The following SUSD4 variants were observed in gnomAD, a reference collection of about 807,000 sequenced individuals.
SUSD4 encodes the protein sushi domain-containing protein 4.
In SUSD4, 41 loss-of-function variants were observed where a neutral mutation model predicts 50.5. The observed-to-expected ratio is 0.81, with a 90% CI of 0.63 to 1.05. The LOEUF (loss-of-function observed/expected upper bound fraction) is 1.05. Ranked by LOEUF, SUSD4 falls within the 50% of genes least tolerant of loss-of-function variation. The pLI is 0.00. For synonymous variants in SUSD4, 257 were observed against 257.3 expected, an observed-to-expected ratio of 1.00 and a Z score of 0.01; for missense variants, 580 against 634.7, an observed-to-expected ratio of 0.91 and a Z score of 0.93.
At chr1:223,233,754 G>A (rs950766735) in intron 5 of SUSD4, among the ~76,000 whole-genome samples, 1 of 152,134 alleles carries the variant, frequency 6.6e-6, no homozygotes, top group Non-Finnish European at 1.5e-5. Context: ...CTCATATCCC[G>A]TCAGTTGCTA....
upstream of SUSD4, among the ~76,000 whole-genome samples, chr1:223,364,873 C>G (rs907992835): frequency 1.3e-5 from 2 of 152,144 alleles, no homozygotes; most frequent in African/African-American, 4.8e-5. This position sits in a 1 kb window ranked among gnomAD's most constrained non-coding sequence, Gnocchi z 4.5. Context: ...CGAAGCTCTG[C>G]GCGTCCCCAG....
chr1:223,311,410 G>A (rs1665867220), intron 2 of SUSD4, among the ~76,000 whole-genome samples: 1 of 152,216 alleles, frequency 6.6e-6, no homozygotes, highest in African/African-American at 2.4e-5. Flanking sequence ...GTGCTCTCCA[G>A]GCAGCCTGTG....
intron 3 of SUSD4, among the ~76,000 whole-genome samples, chr1:223,279,557 G>A (rs1056263252): frequency 1.3e-5 from 2 of 152,138 alleles, no homozygotes; most frequent in African/African-American, 4.8e-5. Flanking sequence ...TTAAAGAAAC[G>A]AACAAAGCCT....
At chr1:223,286,277 G>A (rs1030172492) in intron 3 of SUSD4, among the ~76,000 whole-genome samples, 4 of 152,280 alleles carry the variant, frequency 2.6e-5, no homozygotes, top group African/African-American at 9.6e-5. Context: ...CACCACGCCT[G>A]GCTAATTTTT....
intron 5 of SUSD4, among the ~76,000 whole-genome samples, chr1:223,256,496 G>A (rs939541371): frequency 7.9e-5 from 12 of 152,154 alleles, no homozygotes; most frequent in African/African-American, 1.9e-4. Context: ...CTTTCCTGCC[G>A]CTCTCCTCCT....
intron 5 of SUSD4, among the ~76,000 whole-genome samples, chr1:223,255,117 A>T (rs1403996511): frequency 6.6e-6 from 1 of 152,246 alleles, no homozygotes; most frequent in East Asian, 1.9e-4. Context: ...CCCAGGCCAT[A>T]GAATTCATTT....
Position 223,363,406 on chromosome 1 carries a change from G to C in SUSD4, c.20C>G (p.Pro7Arg), listed in dbSNP as rs757052563. 1 of 1,565,954 alleles carries C rather than the reference G, an allele frequency of 6.4e-7. No individual in the cohort carries two copies. The highest frequency in any genetic ancestry group is 8.7e-7 in the Non-Finnish European group (1 of 1,154,958). Residue 7 changes from proline (P) to arginine (R), a missense_variant, in exon 2 of 9, where the codon CCG (proline) becomes CGG (arginine). Pro to Arg is a moderately radical substitution (Grantham distance 103). Transcript: ENST00000366878. ...CTCTAGAAATCCATCTCCATTGCTCGGGTTCATTCCATGATACATCTTTCA... is the reference window on the plus strand; with the variant it reads ...CTCTAGAAATCCATCTCCATTGCTCCGGTTCATTCCATGATACATCTTTCA... Reference protein sequence around the residue: MYHGMNPSNGDGFLEQQ... With the variant: MYHGMNRSNGDGFLEQQ...
chr1:223,268,011 TTTTATATA>T (rs1218964285), intron 4 of SUSD4, among the ~76,000 whole-genome samples: 7 of 7,668 alleles, frequency 9.1e-4, no homozygotes, highest in Non-Finnish European at 1.7e-3. Context: ...TTCATGCATT[TTTTATATA>T]TATATATATA....
chr1:223,333,940 T>C (rs985459372), intron 2 of SUSD4, among the ~76,000 whole-genome samples: 3 of 152,140 alleles, frequency 2.0e-5, no homozygotes, highest in East Asian at 3.9e-4. Context: ...ACCTCCCACA[T>C]TCCCCTACCT....
chr1:223,365,183 G>A (rs760351660), upstream of SUSD4, among the ~76,000 whole-genome samples: 9 of 152,200 alleles, frequency 5.9e-5, no homozygotes, highest in Non-Finnish European at 8.8e-5. Flanking sequence ...AGTGGAGAGA[G>A]TTGGCCTGGT....
In SUSD4 at chr1:223,268,539, G is replaced by A. The variant is rs187721924; in HGVS notation, c.498C>T (p.Arg166=). The part of the protein sequence containing the change: ...PDLHNMVSLC[R]DDGTWNNLPI... The stretch of plus-strand genomic sequence containing the variant: ...GCAGATTATTCCACGTTCCATCATC[G>A]CGACATAATGAAACCATATTGTGTA... Residue 166 remains arginine (R), a synonymous_variant, in exon 4 of 9, where the codon CGC becomes CGT. Transcript: ENST00000366878. 46 of 1,613,930 alleles carry A rather than the reference G, an allele frequency of 2.9e-5. No individual in the cohort carries two copies. In the East Asian group the frequency reaches 4.7e-4, roughly 16 times the overall value.
intron 5 of SUSD4, among the ~76,000 whole-genome samples, chr1:223,255,118 G>C (rs768247480): frequency 6.6e-6 from 1 of 152,202 alleles, no homozygotes; most frequent in African/African-American, 2.4e-5. Flanking sequence ...CCAGGCCATA[G>C]AATTCATTTT....
chr1:223,363,136 C>G, intron 2 of SUSD4, 142 bp downstream of exon 2: 1 of 1,058,054 alleles, frequency 9.5e-7, no homozygotes, highest in Non-Finnish European at 1.2e-6. Context: ...CGGCCATAGG[C>G]TGGGACGCAG....
At chr1:223,224,495 AG>A (rs1659359458) in intron 7 of SUSD4, among the ~76,000 whole-genome samples, 2 of 152,200 alleles carry the variant, frequency 1.3e-5, no homozygotes, top group African/African-American at 4.8e-5. Context: ...AAAAAGAAAA[AG>A]GAAAGAAGGA....
intron 5 of SUSD4, among the ~76,000 whole-genome samples, chr1:223,243,508 G>A (rs538757771): frequency 6.6e-6 from 1 of 152,350 alleles, no homozygotes; most frequent in Non-Finnish European, 1.5e-5. Flanking sequence ...ACAGCACTGA[G>A]GGTGGGTGGC....
chr1:223,319,702 T>C (rs1445726396), intron 2 of SUSD4, among the ~76,000 whole-genome samples: 1 of 152,222 alleles, frequency 6.6e-6, no homozygotes, highest in Non-Finnish European at 1.5e-5. Context: ...ACCAGCTTCT[T>C]TTCTGGGGGC....
chr1:223,283,048 T>TC (rs1489099910), intron 3 of SUSD4, among the ~76,000 whole-genome samples: 1 of 152,116 alleles, frequency 6.6e-6, no homozygotes, highest in Non-Finnish European at 1.5e-5. Context: ...TGTAGAAAGC[T>TC]TCCTTCCTTA....
intron 2 of SUSD4, among the ~76,000 whole-genome samples, chr1:223,305,946 G>C (rs955108782): frequency 1.3e-5 from 2 of 152,160 alleles, no homozygotes; most frequent in African/African-American, 2.4e-5. Context: ...GGTAACTCTT[G>C]CCTAGAAATA....
chr1:223,295,581 G>A (rs984327816), intron 2 of SUSD4, among the ~76,000 whole-genome samples: 2 of 152,130 alleles, frequency 1.3e-5, no homozygotes, highest in African/African-American at 4.8e-5. Context: ...GTGGGTGCAG[G>A]TCGGAAGGTA....
Sources: allele counts gnomAD v4.1 joint callset (sites outside exome capture counted in the v4.1 genomes callset), GRCh38; gene constraint gnomAD v4.1.1; non-coding constraint Gnocchi (gnomAD v3.1); transcripts MANE v1.5; gene names NCBI Gene and HGNC (gene_info 2026-07-23, HGNC 2026-07-21).